TAF4B: variants seen among roughly 807,000 people sequenced by gnomAD.
TAF4B encodes TATA-box binding protein associated factor 4b, also known as transcription initiation factor TFIID subunit 4B.
A neutral mutation model predicts 86.4 loss-of-function variants in TAF4B; 38 were observed. That is an observed-to-expected ratio of 0.44 (90% CI 0.34 to 0.58). TAF4B has a LOEUF of 0.58. Ranked by LOEUF, TAF4B falls within the 20% of genes least tolerant of loss-of-function variation. The pLI, the probability that TAF4B is intolerant of heterozygous loss-of-function variation, is 0.02. For missense variants in TAF4B, 988 were observed against 1,027.6 expected (o/e 0.96, Z 0.53); for synonymous variants, 388 against 391.2 (o/e 0.99, Z 0.10).
At chr18:26,281,707 T>C (rs912668340) in intron 5 of TAF4B, among the ~76,000 whole-genome samples, 3 of 152,216 alleles carry the variant, frequency 2.0e-5, no homozygotes, top group African/African-American at 7.2e-5. Flanking sequence ...AATAATGTAG[T>C]ATTACTTAAC....
At chr18:26,387,127 A>G (rs1217838080) in intron 14 of TAF4B, among the ~76,000 whole-genome samples, 2 of 152,164 alleles carry the variant, frequency 1.3e-5, no homozygotes, top group African/African-American at 4.8e-5. Flanking sequence ...GTGCAGTGGC[A>G]TGATCTTGGC....
chr18:26,369,072 AGAG>A (rs2057390276), intron 14 of TAF4B, among the ~76,000 whole-genome samples: 1 of 152,226 alleles, frequency 6.6e-6, no homozygotes, highest in South Asian at 2.1e-4. Flanking sequence ...AAGAGAGGAA[AGAG>A]GAAGCTTGAA....
intron 1 of TAF4B, among the ~76,000 whole-genome samples, chr18:26,239,520 T>C (rs1387314744): frequency 2.0e-5 from 3 of 152,238 alleles, no homozygotes; most frequent in Non-Finnish European, 4.4e-5. Flanking sequence ...GTAAAAATTT[T>C]CTCCCACTCT....
intron 13 of TAF4B, among the ~76,000 whole-genome samples, chr18:26,339,778 A>G (rs1050993318): frequency 1.3e-5 from 2 of 152,228 alleles, no homozygotes; most frequent in Non-Finnish European, 2.9e-5. Context: ...TTCTTAGCAC[A>G]TCGTCCAGAA....
intron 5 of TAF4B, among the ~76,000 whole-genome samples, chr18:26,277,929 T>G (rs1359685191): frequency 6.6e-6 from 1 of 152,234 alleles, no homozygotes; most frequent in African/African-American, 2.4e-5. Flanking sequence ...TTGTTACACA[T>G]TTTTCAAAAT....
chr18:26,371,658 T>G (rs556970839), intron 14 of TAF4B, among the ~76,000 whole-genome samples: 1 of 152,270 alleles, frequency 6.6e-6, no homozygotes, highest in African/African-American at 2.4e-5. Context: ...AGAACGGAAA[T>G]AGATGGGCAA....
intron 1 of TAF4B, among the ~76,000 whole-genome samples, chr18:26,250,294 G>A (rs1267136992): frequency 1.3e-5 from 2 of 152,064 alleles, no homozygotes; most frequent in East Asian, 1.9e-4. Context: ...TCAGGAGATC[G>A]AGACTGTCCT....
At chr18:26,348,557 CTG>C (rs143099722) in intron 13 of TAF4B, 10,349 of 156,032 alleles carry the variant, frequency 0.066, 1,099 homozygotes, top group African/African-American at 0.23. Context: ...AATGTAGTGA[CTG>C]TGGGAAATTT....
chr18:26,351,001 G>A (rs566662644), intron 13 of TAF4B, among the ~76,000 whole-genome samples: 1 of 152,290 alleles, frequency 6.6e-6, no homozygotes, highest in African/African-American at 2.4e-5. Flanking sequence ...ACTACTGTAT[G>A]ATCCAGCAAT....
chr18:26,347,215 C>G (rs538588437), intron 13 of TAF4B, among the ~76,000 whole-genome samples: 1 of 151,758 alleles, frequency 6.6e-6, no homozygotes, highest in Non-Finnish European at 1.5e-5. Context: ...CCACTGCGCC[C>G]GGCCCAGCCA....
intron 1 of TAF4B, among the ~76,000 whole-genome samples, chr18:26,263,575 C>T (rs2056198441): frequency 6.6e-6 from 1 of 152,144 alleles, no homozygotes; most frequent in Non-Finnish European, 1.5e-5. Flanking sequence ...CATTTTGTGG[C>T]GTGTCCTATT....
intron 7 of TAF4B, among the ~76,000 whole-genome samples, chr18:26,290,958 A>G (rs1367595721): frequency 6.6e-6 from 1 of 152,214 alleles, no homozygotes; most frequent in Non-Finnish European, 1.5e-5. Flanking sequence ...AGCTTCATTG[A>G]AATGTATCAT....
At chr18:26,290,451 T>C (rs2056578234) in intron 7 of TAF4B, among the ~76,000 whole-genome samples, 1 of 152,180 alleles carries the variant, frequency 6.6e-6, no homozygotes, top group Non-Finnish European at 1.5e-5. Context: ...TGTTTTGAAA[T>C]GATTATCCTT....
chr18:26,367,410 A>C (rs567073218), intron 14 of TAF4B, among the ~76,000 whole-genome samples: 18 of 152,304 alleles, frequency 1.2e-4, no homozygotes, highest in African/African-American at 3.6e-4. Flanking sequence ...TAAATACGGG[A>C]ATGAGAACCT....
intron 1 of TAF4B, among the ~76,000 whole-genome samples, chr18:26,250,446 G>A (rs1425324076): frequency 4.7e-5 from 7 of 150,240 alleles, no homozygotes; most frequent in Non-Finnish European, 8.9e-5. Context: ...GCAGTGAGCC[G>A]AGATCACGCC....
intron 12 of TAF4B, among the ~76,000 whole-genome samples, chr18:26,328,842 A>G (rs1427869173): frequency 5.9e-5 from 9 of 151,716 alleles, no homozygotes; most frequent in African/African-American, 1.9e-4. Flanking sequence ...GTGGTCTCGA[A>G]CTCCTGAGCT....
At chr18:26,298,239 G>A (rs1050922565) in intron 9 of TAF4B, among the ~76,000 whole-genome samples, 2 of 150,864 alleles carry the variant, frequency 1.3e-5, no homozygotes, top group Non-Finnish European at 2.9e-5. Context: ...TATTTATTTT[G>A]AGACAGAGTC....
At chr18:26,340,464 C>G (rs2057127478) in intron 13 of TAF4B, among the ~76,000 whole-genome samples, 1 of 152,120 alleles carries the variant, frequency 6.6e-6, no homozygotes, top group Non-Finnish European at 1.5e-5. Context: ...GGAAGACATT[C>G]TTAAAATGAC....
chr18:26,261,772 A>G (rs952762283), intron 1 of TAF4B, among the ~76,000 whole-genome samples: 1 of 152,116 alleles, frequency 6.6e-6, no homozygotes, highest in African/African-American at 2.4e-5. Context: ...TCTTTGGTAA[A>G]CTAGTAGACT....
Sources: allele counts gnomAD v4.1 joint callset (sites outside exome capture counted in the v4.1 genomes callset), GRCh38; gene constraint gnomAD v4.1.1; transcripts MANE v1.5; gene names NCBI Gene and HGNC (gene_info 2026-07-23, HGNC 2026-07-21).